The following PDE1A variants were observed in gnomAD, a reference collection of about 807,000 sequenced individuals.
The protein encoded by PDE1A is dual specificity calcium/calmodulin-dependent 3',5'-cyclic nucleotide phosphodiesterase 1A.
PDE1A carries 35 observed loss-of-function variants against 61.7 expected under a neutral mutation model. That is an observed-to-expected ratio of 0.57 (90% confidence interval 0.43 to 0.75). The LOEUF (loss-of-function observed/expected upper bound fraction) is 0.75, where lower values mean the gene tolerates loss of function less well. PDE1A is among the 30% of genes least tolerant of loss of function. The pLI, the probability that PDE1A is intolerant of heterozygous loss-of-function variation, is 0.00. For missense variants in PDE1A, 597 were observed against 630.6 expected, an observed-to-expected ratio of 0.95 and a Z score of 0.57; for synonymous variants, 232 against 213.2, an observed-to-expected ratio of 1.09 and a Z score of -0.77.
At chr2:182,169,914 A>ACACATG (rs1691998562) in intron 13 of PDE1A, among the ~76,000 whole-genome samples, 1 of 101,660 alleles carries the variant, frequency 9.8e-6, no homozygotes, top group African/African-American at 3.3e-5. Flanking sequence ...ACACACACAC[A>ACACATG]CACACACGCA....
chr2:182,424,087 G>A (rs1703455650), intron 1 of PDE1A, among the ~76,000 whole-genome samples: 1 of 151,736 alleles, frequency 6.6e-6, no homozygotes, highest in Non-Finnish European at 1.5e-5. Context: ...TGGGACTACA[G>A]GTGCACACCA....
In PDE1A at chr2:182,178,349, G is replaced by C. The variant is rs140042032; in HGVS notation, c.1516+7543C>G. ...AAGAGAAGCAAAAAGGGGTATGAAG[G>C]TGCCATTCAAATTGGAGGAGGGAAA... On this transcript the variant is annotated intron_variant, in intron 13 of 13. Coordinates refer to ENST00000351439, the Ensembl canonical transcript of PDE1A. 8.6e-3 allele frequency among the ~76,000 whole-genome samples: 1,302 copies of C among 152,226 alleles called. 11 individuals carry two copies. Among genetic ancestry groups the C allele is most frequent in the Non-Finnish European group, 0.011 (746 of 68,004 alleles).
the PDE1A span, among the ~76,000 whole-genome samples, chr2:182,686,425 T>C: frequency 6.6e-6 from 1 of 152,254 alleles, no homozygotes; most frequent in Admixed American, 6.5e-5. Context: ...TTTGAACTAT[T>C]CTTACTAGTA....
At chr2:182,319,173 A>G (rs560175998) in intron 1 of PDE1A, among the ~76,000 whole-genome samples, 1 of 152,252 alleles carries the variant, frequency 6.6e-6, no homozygotes, top group East Asian at 1.9e-4. Flanking sequence ...TGATTTCTGT[A>G]AGAGGATCTA....
At chr2:182,262,149 CCTTT>C (rs1167239211) in intron 2 of PDE1A, among the ~76,000 whole-genome samples, 11 of 151,122 alleles carry the variant, frequency 7.3e-5, no homozygotes, top group South Asian at 2.1e-4. Context: ...TTTCTCTTTT[CCTTT>C]CTTTCTTTCT....
chr2:182,414,608 A>C (rs1337904726), intron 1 of PDE1A, among the ~76,000 whole-genome samples: 1 of 152,148 alleles, frequency 6.6e-6, no homozygotes, highest in Non-Finnish European at 1.5e-5. Context: ...CAAGGGAGAA[A>C]GGATGAAAGA....
intron 2 of PDE1A, among the ~76,000 whole-genome samples, chr2:182,453,420 G>T (rs1296650900): frequency 6.6e-6 from 1 of 151,478 alleles, no homozygotes; most frequent in African/African-American, 2.4e-5. Context: ...CAAAAGAATT[G>T]TGAACTTCTT....
At chr2:182,705,429 G>T in the PDE1A span, among the ~76,000 whole-genome samples, 1 of 152,080 alleles carries the variant, frequency 6.6e-6, no homozygotes, top group East Asian at 1.9e-4. Context: ...GAAAACCAAA[G>T]CCATTGATGA....
the PDE1A span, among the ~76,000 whole-genome samples, chr2:182,674,523 G>A: frequency 6.6e-6 from 1 of 151,772 alleles, no homozygotes; most frequent in Non-Finnish European, 1.5e-5. Context: ...CAGGGCCTAG[G>A]ACAAAATAAA....
the PDE1A span, among the ~76,000 whole-genome samples, chr2:182,670,046 G>C: frequency 6.6e-6 from 1 of 152,186 alleles, no homozygotes; most frequent in Admixed American, 6.5e-5. Flanking sequence ...TTTGCAAGCA[G>C]TTTTGGTTTT....
chr2:182,273,702 T>A (rs1044794618), intron 1 of PDE1A, among the ~76,000 whole-genome samples: 1 of 152,002 alleles, frequency 6.6e-6, no homozygotes, highest in Non-Finnish European at 1.5e-5. Flanking sequence ...TTTACAAAAA[T>A]CAAATTAAAT....
chr2:182,487,914 T>A (rs1688120128), intron 2 of PDE1A, among the ~76,000 whole-genome samples: 1 of 152,166 alleles, frequency 6.6e-6, no homozygotes, highest in African/African-American at 2.4e-5. Context: ...GCATAATATG[T>A]TCAAAAGGGG....
At chr2:182,715,958 G>A in the PDE1A span, 4 of 152,338 alleles carry the variant, frequency 2.6e-5, no homozygotes, top group South Asian at 2.1e-4. Flanking sequence ...CCCACCCTCT[G>A]GGTTTCCCCG....
At chr2:182,541,715 T>C in the PDE1A span, among the ~76,000 whole-genome samples, 2 of 152,206 alleles carry the variant, frequency 1.3e-5, no homozygotes, top group Non-Finnish European at 2.9e-5. Context: ...GACTGACCAT[T>C]AGGTCTATAT....
intron 1 of PDE1A, among the ~76,000 whole-genome samples, chr2:182,419,515 A>G (rs16823203): frequency 0.038 from 5,745 of 151,790 alleles, 132 homozygotes; most frequent in Middle Eastern, 0.071. Flanking sequence ...TGATTTTCTC[A>G]TTCTTTAATA....
chr2:182,707,490 A>AGG, the PDE1A span, among the ~76,000 whole-genome samples: 1 of 152,328 alleles, frequency 6.6e-6, no homozygotes, highest in Non-Finnish European at 1.5e-5. Context: ...AAGATAATAA[A>AGG]GGAACTGTGA....
At chr2:182,430,378 A>G (rs1202749921), upstream of PDE1A, among the ~76,000 whole-genome samples, 1 of 103,570 alleles carries the variant, frequency 9.7e-6, no homozygotes, top group African/African-American at 3.8e-5. Flanking sequence ...ACTGGCCATC[A>G]GAGAAATGCA....
the PDE1A span, among the ~76,000 whole-genome samples, chr2:182,617,068 A>T: frequency 6.6e-6 from 1 of 152,220 alleles, no homozygotes; most frequent in Non-Finnish European, 1.5e-5. Context: ...GGTAACCTCT[A>T]TGTCCTTGGA....
At position 182,151,183 on chromosome 2, in the gene PDE1A, G is replaced by A. The variant is rs966366105; in HGVS notation, c.1517-4031C>T. 2.6e-5 allele frequency among the ~76,000 whole-genome samples: 4 copies of A among 152,202 alleles called. No homozygotes were observed. In the East Asian group the frequency reaches 7.7e-4, roughly 29 times the overall value. ...GCCCATTGCAACCTCCGCTTCCTGGGTTCAAGCGATTCTCCTGCTTCAGCC... is the reference window on the plus strand; with the variant it reads ...GCCCATTGCAACCTCCGCTTCCTGGATTCAAGCGATTCTCCTGCTTCAGCC... On this transcript the variant is annotated intron_variant, in intron 13 of 13. Coordinates refer to the PDE1A transcript ENST00000409365.
Sources: gnomAD v4.1 joint callset for allele counts (sites outside exome capture counted in the v4.1 genomes callset) on GRCh38, gnomAD v4.1.1 for gene constraint, MANE v1.5 for transcripts, NCBI Gene and HGNC (gene_info 2026-07-23, HGNC 2026-07-21) for gene names.